The following THSD7A variants were observed in gnomAD, a reference collection of about 807,000 sequenced individuals.
THSD7A encodes thrombospondin type 1 domain containing 7A.
A neutral mutation model predicts 231.3 loss-of-function variants in THSD7A; 96 were observed. That is an observed-to-expected ratio of 0.41 (90% CI 0.35 to 0.49). THSD7A has a LOEUF of 0.49. Ranked by LOEUF, THSD7A falls within the 20% of genes least tolerant of loss-of-function variation. The pLI is 0.05. For synonymous variants in THSD7A, 940 were observed against 743.3 expected (o/e 1.26, Z -4.30); for missense variants, 2,290 against 2,070.2 (o/e 1.11, Z -2.06).
chr7:11,489,293 A>C (rs141947072), intron 6 of THSD7A, among the ~76,000 whole-genome samples: 1 of 152,260 alleles, frequency 6.6e-6, no homozygotes, highest in Non-Finnish European at 1.5e-5. Flanking sequence ...CTAGAACCTA[A>C]CCAAGAAGGC....
chr7:11,665,118 A>T (rs1422369758), intron 1 of THSD7A, among the ~76,000 whole-genome samples: 1 of 152,102 alleles, frequency 6.6e-6, no homozygotes, highest in African/African-American at 2.4e-5. Context: ...GTTTACATCC[A>T]AATAAAGAAA....
intron 9 of THSD7A, among the ~76,000 whole-genome samples, chr7:11,469,285 G>C (rs887667144): frequency 3.3e-5 from 5 of 152,148 alleles, no homozygotes; most frequent in African/African-American, 1.2e-4. Flanking sequence ...CTGACCTAGA[G>C]GGTGAAGAAA....
intron 13 of THSD7A, among the ~76,000 whole-genome samples, chr7:11,431,641 C>T (rs765568331): frequency 1.5e-4 from 23 of 152,172 alleles, no homozygotes; most frequent in Non-Finnish European, 3.1e-4. Flanking sequence ...CTTCCTATTT[C>T]GTTTTTCCTT....
At chr7:11,615,233 T>C (rs751740726) in intron 2 of THSD7A, among the ~76,000 whole-genome samples, 1 of 152,204 alleles carries the variant, frequency 6.6e-6, no homozygotes, top group Non-Finnish European at 1.5e-5. Context: ...AGGGACATGA[T>C]CACCCTGACT....
At chr7:11,460,263 T>C (rs1230967293) in intron 11 of THSD7A, among the ~76,000 whole-genome samples, 1 of 152,214 alleles carries the variant, frequency 6.6e-6, no homozygotes, top group Non-Finnish European at 1.5e-5. Flanking sequence ...ATTGTATGTA[T>C]GCACATATAT....
chr7:11,761,086 T>A (rs1782843779), intron 1 of THSD7A, among the ~76,000 whole-genome samples: 1 of 151,676 alleles, frequency 6.6e-6, no homozygotes, highest in East Asian at 1.9e-4. Flanking sequence ...AAACAAAAAA[T>A]TTTTAGAACA....
intron 9 of THSD7A, among the ~76,000 whole-genome samples, chr7:11,464,507 T>C (rs983456238): frequency 7.9e-5 from 12 of 152,158 alleles, no homozygotes; most frequent in Admixed American, 2.0e-4. Flanking sequence ...AACATTAATG[T>C]TTCAATTCTA....
At chr7:11,561,288 G>C (rs1476890189) in intron 4 of THSD7A, among the ~76,000 whole-genome samples, 1 of 152,092 alleles carries the variant, frequency 6.6e-6, no homozygotes, top group Non-Finnish European at 1.5e-5. Flanking sequence ...TTAATATAAT[G>C]TCATGTAGTA....
chr7:11,702,348 G>A lies in THSD7A; in HGVS notation c.191-65387C>T, dbSNP rs908581332. Among the ~76,000 whole-genome samples, 7 of 151,256 alleles carry A rather than the reference G, an allele frequency of 4.6e-5. No homozygotes were observed. The East Asian group carries it at 1.4e-3, about 30-fold the overall frequency. ...CATTCAAATTGTCGACAGCATCAAG[G>A]TCCTTGTTACAGCATGACTGTGGTT... is the stretch of plus-strand genomic sequence containing the variant. On this transcript the variant is annotated intron_variant, in intron 1 of 27. Coordinates refer to ENST00000423059, the MANE Select transcript of THSD7A (RefSeq NM_015204.3).
At chr7:11,809,476 T>C (rs79589802) in intron 1 of THSD7A, among the ~76,000 whole-genome samples, 1,910 of 152,302 alleles carry the variant, frequency 0.013, 40 homozygotes, top group African/African-American at 0.043. Flanking sequence ...GGACCTTTCT[T>C]TTTTTGTGTG....
intron 1 of THSD7A, among the ~76,000 whole-genome samples, chr7:11,769,147 A>ATTTTTTTTTTT (rs1562541356): frequency 8.4e-5 from 3 of 35,640 alleles, no homozygotes; most frequent in South Asian, 9.6e-4. Flanking sequence ...ATATATATAT[A>ATTTTTTTTTTT]TATATATTTT....
At chr7:11,588,210 C>G (rs1341366813) in intron 4 of THSD7A, among the ~76,000 whole-genome samples, 2 of 152,156 alleles carry the variant, frequency 1.3e-5, no homozygotes, top group Non-Finnish European at 1.5e-5. Flanking sequence ...GTTCTCCATT[C>G]ACACATATTT....
At chr7:11,457,425 GCTA>G (rs1384970185) in intron 11 of THSD7A, among the ~76,000 whole-genome samples, 2 of 151,894 alleles carry the variant, frequency 1.3e-5, no homozygotes, top group African/African-American at 2.4e-5. Flanking sequence ...TCTATTGTCT[GCTA>G]CTAAGTCCCC....
At chr7:11,495,142 C>A (rs1787048294) in intron 6 of THSD7A, among the ~76,000 whole-genome samples, 1 of 152,006 alleles carries the variant, frequency 6.6e-6, no homozygotes, top group Non-Finnish European at 1.5e-5. Flanking sequence ...TTGCCAGAAA[C>A]ATTATATTCA....
At chr7:11,627,412 T>C (rs893008353) in intron 2 of THSD7A, among the ~76,000 whole-genome samples, 17 of 152,014 alleles carry the variant, frequency 1.1e-4, no homozygotes, top group African/African-American at 3.4e-4. Context: ...ATACAAAATG[T>C]ATACATATAA....
intron 1 of THSD7A, among the ~76,000 whole-genome samples, chr7:11,709,604 A>C (rs1449157264): frequency 6.6e-6 from 1 of 150,896 alleles, no homozygotes; most frequent in Non-Finnish European, 1.5e-5. Context: ...ACACTATTTT[A>C]AAAAATACAG....
chr7:11,746,344 A>T (rs1562525078), intron 1 of THSD7A, among the ~76,000 whole-genome samples: 1 of 151,846 alleles, frequency 6.6e-6, no homozygotes, highest in Admixed American at 6.6e-5. Flanking sequence ...ATTACTATTA[A>T]CTGAATTCCA....
Position 11,618,099 on chromosome 7 carries a change from A to C in THSD7A, c.1022+18031T>G, listed in dbSNP as rs374606647. Among the ~76,000 whole-genome samples the C allele has an allele frequency of 2.6e-5, 4 of 152,332 alleles. No individual in the cohort carries two copies. In the East Asian group the frequency reaches 7.7e-4, roughly 29 times the overall value. On this transcript the variant is annotated intron_variant, in intron 2 of 27. Coordinates refer to ENST00000423059, the MANE Select transcript of THSD7A (RefSeq NM_015204.3). ...CCACACCTAGGAATATGTCCTACAGAAATTAAAATGCCAATTCATATGGAC... is the reference window on the plus strand; with the variant it reads ...CCACACCTAGGAATATGTCCTACAGCAATTAAAATGCCAATTCATATGGAC...
chr7:11,818,112 A>C (rs1251219667), intron 1 of THSD7A, among the ~76,000 whole-genome samples: 3 of 152,160 alleles, frequency 2.0e-5, no homozygotes, highest in African/African-American at 7.2e-5. Flanking sequence ...TTCTGATACC[A>C]CTTCTTCTCT....
Sources: allele counts gnomAD v4.1 joint callset (sites outside exome capture counted in the v4.1 genomes callset), GRCh38; gene constraint gnomAD v4.1.1; transcripts MANE v1.5; gene names NCBI Gene and HGNC (gene_info 2026-07-23, HGNC 2026-07-21).